The following TERF1 variants were observed in gnomAD, a reference collection of about 807,000 sequenced individuals.
TERF1 encodes telomeric repeat binding factor 1, also known as telomeric repeat-binding factor 1.
TERF1 carries 20 observed loss-of-function variants against 55.1 expected under a neutral mutation model. That is an observed-to-expected ratio of 0.36 (90% CI 0.26 to 0.53). The LOEUF is 0.53. Among genes scored for constraint, TERF1 ranks in the 20% least tolerant of loss-of-function variants. The pLI is 0.91. For missense variants in TERF1, 439 were observed against 535.7 expected, an observed-to-expected ratio of 0.82 and a Z score of 1.78; for synonymous variants, 168 against 181.2, an observed-to-expected ratio of 0.93 and a Z score of 0.59.
intron 2 of TERF1, among the ~76,000 whole-genome samples, chr8:73,018,039 A>G (rs1419824878): frequency 2.6e-5 from 4 of 152,084 alleles, no homozygotes; most frequent in Non-Finnish European, 4.4e-5. Context: ...AGCTCTTCAG[A>G]TGTTTCTGAG....
At chr8:73,038,964 C>T (rs1809717786) in intron 8 of TERF1, 152 bp from the exon 9 acceptor site, 2 of 699,808 alleles carry the variant, frequency 2.9e-6, no homozygotes, top group Admixed American at 3.3e-5. Context: ...TGCACTATAC[C>T]ATACTGCTTC....
In TERF1 at chr8:73,013,903, C is replaced by G; in HGVS notation, c.328C>G (p.His110Asp). The G allele has an allele frequency of 6.2e-7, 1 of 1,604,340 alleles. No individual in the cohort carries two copies. The highest frequency in any genetic ancestry group is 8.5e-7 in the Non-Finnish European group (1 of 1,175,842). The change falls in exon 2 of 10, where the codon CAT becomes GAT. Residue 110 changes from histidine to aspartate, a missense_variant. Physicochemically the swap from His to Asp is moderately conservative, Grantham distance 81. Coordinates refer to ENST00000276603, the MANE Select transcript of TERF1 (RefSeq NM_017489.3). ...CTTTTTTTCTTTTTTAGCTATTATT[C>G]ATGGACTATCCAGTCTAACAGCTTG... is the stretch of plus-strand genomic sequence containing the variant. ...RTRNSAEAIIHGLSSLTACQL... is the reference protein window; with the variant it reads ...RTRNSAEAIIDGLSSLTACQL...
chr8:73,015,312 C>CTTTTTT (rs5892387), intron 2 of TERF1, among the ~76,000 whole-genome samples: 5 of 131,702 alleles, frequency 3.8e-5, no homozygotes, highest in African/African-American at 5.6e-5. Flanking sequence ...AACCCTTTTG[C>CTTTTTT]TTTTTTTTTT....
At chr8:73,028,997 A>G (rs528270187) in intron 6 of TERF1, among the ~76,000 whole-genome samples, 2 of 152,300 alleles carry the variant, frequency 1.3e-5, no homozygotes, top group African/African-American at 4.8e-5. Context: ...ACAGGGAACA[A>G]AACTAAAACC....
In TERF1 at chr8:73,046,783, T is replaced by C. The variant is rs1231661174; in HGVS notation, c.*646T>C. 1 of 152,188 alleles carries C rather than the reference T, an allele frequency of 6.6e-6. No individual in the cohort carries two copies. The highest frequency in any genetic ancestry group is 1.5e-5 in the Non-Finnish European group (1 of 68,030). The allele number at this position is 152,188 out of a possible 1,614,324, so 9.4% of individuals were successfully genotyped here. On this transcript the variant is annotated 3_prime_UTR_variant, in exon 10 of 10. Coordinates refer to ENST00000276603, the MANE Select transcript of TERF1 (RefSeq NM_017489.3). ...TGCTGAGATTACAGACGTGAGCCAC[T>C]GCGTCCTGCCTAAAATGAATTTTCT...
At chr8:73,012,516 A>G (rs1460170196) in intron 1 of TERF1, 1 of 153,962 alleles carries the variant, frequency 6.5e-6, no homozygotes, top group African/African-American at 2.4e-5. Context: ...AAAAAAATAC[A>G]AAAAAAATTA....
At chr8:73,027,787 C>T (rs1654659386) in intron 6 of TERF1, among the ~76,000 whole-genome samples, 1 of 152,092 alleles carries the variant, frequency 6.6e-6, no homozygotes, top group East Asian at 1.9e-4. Context: ...TTACTTTCTT[C>T]TTGGGACCAT....
rs887823323 is a variant in TERF1 at position 73,017,847 on chromosome 8, C to T, written c.416-2837C>T. 3.3e-5 allele frequency among the ~76,000 whole-genome samples: 5 copies of T among 152,082 alleles called. No individual in the cohort carries two copies. The East Asian group carries it at 7.7e-4, about 24-fold the overall frequency. ...CCTCATGAGTAGCTGGGACTACAGG[C>T]GTGCGCCACCATGCCTGACTAATTT... On this transcript the variant is annotated intron_variant, in intron 2 of 9. Transcript: ENST00000276603.
chr8:73,030,531 G>A (rs968618840), intron 7 of TERF1, 136 bp downstream of exon 7: 6 of 527,866 alleles, frequency 1.1e-5, no homozygotes, highest in Non-Finnish European at 1.9e-5. Flanking sequence ...CCAACAGATA[G>A]TCACGACTCT....
intron 9 of TERF1, among the ~76,000 whole-genome samples, chr8:73,040,260 C>T (rs138207770): frequency 2.0e-5 from 3 of 152,182 alleles, no homozygotes; most frequent in African/African-American, 7.2e-5. Context: ...CTGTTGCTGA[C>T]CAGAGATTTA....
chr8:73,012,891 G>A (rs1395749188), intron 1 of TERF1: 1 of 455,916 alleles, frequency 2.2e-6, no homozygotes, highest in South Asian at 1.6e-5. Flanking sequence ...CTGGCTATCT[G>A]AAGTCATCAC....
chr8:73,026,961 A>G lies in TERF1; in HGVS notation c.796A>G (p.Ser266Gly). ...TAAGGCAGCGGCAAAAGTAGTAGAAAGCAAAAGGACAAGAACAATAACTTC... is the reference window on the plus strand; with the variant it reads ...TAAGGCAGCGGCAAAAGTAGTAGAAGGCAAAAGGACAAGAACAATAACTTC... Reference protein sequence around the residue: ...LMKAAAKVVESKRTRTITSQD... With the variant: ...LMKAAAKVVEGKRTRTITSQD... The change falls in exon 6 of 10, where the codon AGC becomes GGC. Residue 266 changes from serine to glycine, a missense_variant. Transcript: ENST00000276603. 1 of 1,611,650 alleles carries G rather than the reference A, an allele frequency of 6.2e-7. No individual in the cohort carries two copies. The highest frequency in any genetic ancestry group is 8.5e-7 in the Non-Finnish European group (1 of 1,179,700).
intron 5 of TERF1, 146 bp downstream of exon 5, chr8:73,025,117 G>A (rs1808923778): frequency 2.0e-6 from 1 of 491,786 alleles, no homozygotes; most frequent in Non-Finnish European, 3.3e-6. Context: ...GTTACATTTT[G>A]TGGACCTAAT....
In TERF1 at chr8:73,046,073, T is replaced by A; in HGVS notation, c.1256T>A (p.Met419Lys). The A allele has an allele frequency of 6.2e-7, 1 of 1,610,650 alleles. No individual in the cohort carries two copies. Among genetic ancestry groups the A allele is most frequent in the Non-Finnish European group, 8.5e-7 (1 of 1,178,786 alleles). ...HYKFNNRTSV[M>K]LKDRWRTMKK... ...AAATTCAACAACCGGACAAGTGTCA[T>A]GTTAAAAGACAGATGGAGGACCATG... Residue 419 changes from methionine (M) to lysine (K), a missense_variant, in exon 10 of 10, where the codon ATG (methionine) becomes AAG (lysine). Physicochemically the swap from Met to Lys is moderately conservative, Grantham distance 95 (BLOSUM62 -1). Transcript: ENST00000276603.
intron 7 of TERF1, chr8:73,031,337 G>C (rs1185818651): frequency 6.6e-6 from 1 of 152,206 alleles, no homozygotes. Context: ...ATTCTAGAAA[G>C]GACAATAGAA....
At chr8:73,018,901 A>G (rs1483057544) in intron 2 of TERF1, 1 of 152,204 alleles carries the variant, frequency 6.6e-6, no homozygotes, top group Non-Finnish European at 1.5e-5. Flanking sequence ...AGTATAAAGT[A>G]CTGCAAGGCA....
chr8:73,031,974 A>G (rs1041914564), intron 7 of TERF1, 68 bp from the exon 8 acceptor site: 16 of 1,099,886 alleles, frequency 1.5e-5, no homozygotes, highest in Non-Finnish European at 2.0e-5. Flanking sequence ...AAGGCAAATC[A>G]TTTACCTGTT....
intron 8 of TERF1, among the ~76,000 whole-genome samples, chr8:73,032,698 A>G (rs1428122964): frequency 6.6e-6 from 1 of 152,154 alleles, no homozygotes; most frequent in Non-Finnish European, 1.5e-5. Context: ...CCGTGACTGT[A>G]GTTACTTTTC....
At chr8:73,035,122 G>T (rs1809459171) in intron 8 of TERF1, among the ~76,000 whole-genome samples, 1 of 152,110 alleles carries the variant, frequency 6.6e-6, no homozygotes, top group South Asian at 2.1e-4. Flanking sequence ...TATGATCTGT[G>T]TAAAATAAAG....
Sources: gnomAD v4.1 joint callset for allele counts (sites outside exome capture counted in the v4.1 genomes callset) on GRCh38, gnomAD v4.1.1 for gene constraint, MANE v1.5 for transcripts, NCBI Gene and HGNC (gene_info 2026-07-23, HGNC 2026-07-21) for gene names.